The following SDK2 variants were observed in gnomAD, a reference collection of about 807,000 sequenced individuals.
SDK2 encodes protein sidekick-2.
Under a neutral mutation model 253.9 loss-of-function variants are expected in SDK2, and 105 were observed. The ratio of observed to expected loss-of-function variants is 0.41; its 90% CI spans 0.35 to 0.49. The LOEUF is 0.49. SDK2 is among the 20% of genes least tolerant of loss of function. SDK2 has a pLI of 0.06. For synonymous variants in SDK2, 1,249 were observed against 1,234.9 expected (o/e 1.01, Z -0.24); for missense variants, 2,608 against 3,003.0 (o/e 0.87, Z 3.07).
At chr17:73,388,750 CTCCTTCCTTCCTTCCCTCCCTCTCCT>C (rs2062895845) in intron 29 of SDK2, among the ~76,000 whole-genome samples, 3 of 92,140 alleles carry the variant, frequency 3.3e-5, no homozygotes, top group East Asian at 5.3e-4. Flanking sequence ...CCTTCCCTCC[CTCCTTCCTTCCTTCCCTCCCTCTCCT>C]TCCTTCCTTC....
chr17:73,414,601 A>C, intron 18 of SDK2, 43 bp downstream of exon 18: 1 of 1,487,706 alleles, frequency 6.7e-7, no homozygotes, highest in Non-Finnish European at 9.4e-7. Context: ...CCCCTCCAGA[A>C]GATCTTAGGG....
rs118101431 is a variant in SDK2, at chr17:73,395,599, G to C, written c.3355-207C>G. Among the ~76,000 whole-genome samples, 6 of 152,342 alleles carry C rather than the reference G, an allele frequency of 3.9e-5. No homozygotes were observed. In the East Asian group the frequency reaches 1.2e-3, roughly 29 times the overall value. On this transcript the variant is annotated intron_variant, in intron 24 of 44. Coordinates refer to ENST00000392650, the MANE Select transcript of SDK2 (RefSeq NM_001144952.2). This position sits in a 1 kb window ranked among gnomAD's most constrained non-coding sequence, Gnocchi z 4.3. ...TGATGGGCTCTTATCTTCCTGCAGG[G>C]AGGACAGAGAAGCAGCATCCTTTCT...
At chr17:73,421,060 G>T (rs1234140561) in intron 15 of SDK2, among the ~76,000 whole-genome samples, 1 of 152,252 alleles carries the variant, frequency 6.6e-6, no homozygotes, top group Non-Finnish European at 1.5e-5. Context: ...AGGAGAAGTT[G>T]CAGGGTAGCT....
chr17:73,501,401 G>A (rs549396332), intron 2 of SDK2, among the ~76,000 whole-genome samples: 2 of 152,358 alleles, frequency 1.3e-5, no homozygotes, highest in South Asian at 4.1e-4. Flanking sequence ...TTCCAGGGGA[G>A]AGGCAGGCCG....
intron 1 of SDK2, among the ~76,000 whole-genome samples, chr17:73,610,714 G>C (rs1426146500): frequency 1.3e-5 from 2 of 151,002 alleles, no homozygotes; most frequent in African/African-American, 4.9e-5. Context: ...GTCTGTGTGT[G>C]TTAGGTGTGC....
intron 14 of SDK2, 80 bp downstream of exon 14, chr17:73,423,306 G>C (rs1245231489): frequency 7.9e-7 from 1 of 1,265,666 alleles, no homozygotes. Context: ...GGAAGCAGGA[G>C]AGCTGGGACC....
intron 40 of SDK2, among the ~76,000 whole-genome samples, chr17:73,356,364 G>A (rs1238230183): frequency 6.6e-6 from 1 of 152,198 alleles, no homozygotes; most frequent in Non-Finnish European, 1.5e-5. Context: ...GGAATGTCAC[G>A]CTGGGGCTCT....
intron 38 of SDK2, among the ~76,000 whole-genome samples, chr17:73,363,929 G>A (rs1396095577): frequency 6.6e-6 from 1 of 152,044 alleles, no homozygotes; most frequent in African/African-American, 2.4e-5. Flanking sequence ...CCCCTTTGCA[G>A]AACGAGCTGC....
rs1567797782 is a variant in SDK2 at position 73,481,984 on chromosome 17, T to C, written c.225-9766A>G. On this transcript the variant is annotated intron_variant, in intron 2 of 44. Transcript: ENST00000392650. This position sits in a 1 kb window ranked among gnomAD's most constrained non-coding sequence, Gnocchi z 4.5. ...CGACTAATACACCGACCGTAGAATATGGGAGATAGGCCGGGTGTGGTGGCT... is the reference window on the plus strand; with the variant it reads ...CGACTAATACACCGACCGTAGAATACGGGAGATAGGCCGGGTGTGGTGGCT... Among the ~76,000 whole-genome samples the C allele has an allele frequency of 6.6e-6, 1 of 152,226 alleles. No homozygotes were observed. Among genetic ancestry groups the C allele is most frequent in the Non-Finnish European group, 1.5e-5 (1 of 68,004 alleles).
At position 73,431,526 on chromosome 17, in the gene SDK2, C is replaced by A. The variant is rs2063325536; in HGVS notation, c.1456G>T (p.Ala486Ser). Residue 486 changes from alanine to serine, a missense_variant, in exon 11 of 45, where the codon GCC (alanine) becomes TCC (serine). Ala to Ser is a moderately conservative substitution (Grantham distance 99). This residue lies in a region of SDK2 where 1,505 missense variants were observed against 1,859.1 expected (regional missense o/e 0.81). Coordinates refer to ENST00000392650, the MANE Select transcript of SDK2 (RefSeq NM_001144952.2). The surrounding 1 kb of genome is among the most constrained non-coding windows in gnomAD (Gnocchi z 5.6). ...CCCCAAACGACTAGGTCTGCTGAGGCCTCATCGACCCCCCGAGAGTTGGTG... is the reference window on the plus strand; with the variant it reads ...CCCCAAACGACTAGGTCTGCTGAGGACTCATCGACCCCCCGAGAGTTGGTG... ...LATNSRGVDE[A>S]SADLVVWART... 1 of 1,613,352 alleles carries A rather than the reference C, an allele frequency of 6.2e-7. No homozygotes were observed. The highest frequency in any genetic ancestry group is 1.3e-5 in the African/African-American group (1 of 74,882).
At chr17:73,399,034 G>A (rs10438701) in intron 22 of SDK2, 134 bp downstream of exon 22, 503,846 of 827,718 alleles carry the variant, frequency 0.61, 159,425 homozygotes, top group Non-Finnish European at 0.67. Context: ...GCAAGTGTGA[G>A]CATTTGGAGT....
At chr17:73,397,581 C>A (rs1434965356) in intron 24 of SDK2, among the ~76,000 whole-genome samples, 1 of 152,164 alleles carries the variant, frequency 6.6e-6, no homozygotes, top group Non-Finnish European at 1.5e-5. Context: ...GTCACTACCT[C>A]GTGCAGGATG....
chr17:73,487,823 CTT>C (rs2063779099), intron 2 of SDK2, among the ~76,000 whole-genome samples: 1 of 152,168 alleles, frequency 6.6e-6, no homozygotes, highest in Admixed American at 6.5e-5. Flanking sequence ...TGTGAGATGA[CTT>C]TGATCATAGT....
intron 36 of SDK2, among the ~76,000 whole-genome samples, chr17:73,375,168 C>T (rs2062767289): frequency 1.3e-5 from 2 of 150,630 alleles, no homozygotes; most frequent in African/African-American, 4.9e-5. Flanking sequence ...GTGATTTGTG[C>T]CCTGTTCTCC....
At chr17:73,563,822 G>A (rs2045272630) in intron 1 of SDK2, among the ~76,000 whole-genome samples, 1 of 151,744 alleles carries the variant, frequency 6.6e-6, no homozygotes, top group African/African-American at 2.4e-5. Flanking sequence ...ATCCAGGCTG[G>A]AGTGCGATGG....
At chr17:73,403,019 G>A (rs1238375992) in intron 18 of SDK2, among the ~76,000 whole-genome samples, 2 of 151,460 alleles carry the variant, frequency 1.3e-5, no homozygotes, top group Middle Eastern at 3.2e-3. Context: ...GGCTGGTCTC[G>A]AACTCCTGAT....
At chr17:73,485,191 G>A (rs1047717170) in intron 2 of SDK2, among the ~76,000 whole-genome samples, 30 of 152,190 alleles carry the variant, frequency 2.0e-4, no homozygotes, top group African/African-American at 6.8e-4. Flanking sequence ...GGTAGGGTGT[G>A]TGTATGTGGA....
rs138971678 is a variant in SDK2, at chr17:73,544,361, G to C, written c.65-36764C>G. Among the ~76,000 whole-genome samples the C allele has an allele frequency of 3.3e-5, 5 of 152,292 alleles. No homozygotes were observed. In the South Asian group the frequency reaches 6.2e-4, roughly 19 times the overall value. ...CATCATCACTGCCATTCCCTTGCCT[G>C]TCTCCCCACCCGCACTGAGCTCCGT... On this transcript the variant is annotated intron_variant, in intron 1 of 44. Coordinates refer to ENST00000392650, the MANE Select transcript of SDK2 (RefSeq NM_001144952.2).
intron 40 of SDK2, among the ~76,000 whole-genome samples, chr17:73,355,174 A>ATATATTTTTTTT: frequency 2.3e-4 from 11 of 47,238 alleles, no homozygotes; most frequent in African/African-American, 1.3e-3. Context: ...ATATATATAT[A>ATATATTTTTTTT]TTTTTTTTTT....
Sources: allele counts gnomAD v4.1 joint callset (sites outside exome capture counted in the v4.1 genomes callset), GRCh38; gene constraint gnomAD v4.1.1; regional missense constraint gnomAD v4.1.1; non-coding constraint Gnocchi (gnomAD v3.1); transcripts MANE v1.5; gene names NCBI Gene and HGNC (gene_info 2026-07-23, HGNC 2026-07-21).